Variants in KCNT2 observed in about 807,000 individuals in gnomAD.
KCNT2 encodes potassium sodium-activated channel subfamily T member 2.
Under a neutral mutation model 153.8 loss-of-function variants are expected in KCNT2, and 67 were observed. The observed-to-expected ratio is 0.44, with a 90% CI of 0.36 to 0.53. The LOEUF (loss-of-function observed/expected upper bound fraction) is 0.53, where lower values mean the gene tolerates loss of function less well. Ranked by LOEUF, KCNT2 falls within the 20% of genes least tolerant of loss-of-function variation. KCNT2 has a pLI of 0.00. For missense variants in KCNT2, 975 were observed against 1,354.8 expected (o/e 0.72, Z 4.40); for synonymous variants, 500 against 458.8 (o/e 1.09, Z -1.15).
At chr1:196,413,705 C>T (rs563582595) in intron 12 of KCNT2, among the ~76,000 whole-genome samples, 4 of 151,662 alleles carry the variant, frequency 2.6e-5, no homozygotes, top group Non-Finnish European at 5.9e-5. Context: ...TAATTTTGGC[C>T]ATTCACAGAA....
In KCNT2 at chr1:196,558,019, C is replaced by T. The variant is rs1397326159; in HGVS notation, c.95+50196G>A. On this transcript the variant is annotated intron_variant, in intron 1 of 27. Coordinates refer to ENST00000294725, the MANE Select transcript of KCNT2 (RefSeq NM_198503.5). ...CAGAGAATGTTCTGTAATATTTTAT[C>T]TCACTGTTGTCATCAAAATGTTACA... Among the ~76,000 whole-genome samples the T allele has an allele frequency of 2.6e-5, 4 of 151,350 alleles. No individual in the cohort carries two copies. The East Asian group carries it at 7.8e-4, about 29-fold the overall frequency.
At chr1:196,281,390 A>G (rs1659079744) in intron 24 of KCNT2, among the ~76,000 whole-genome samples, 1 of 152,194 alleles carries the variant, frequency 6.6e-6, no homozygotes, top group African/African-American at 2.4e-5. Flanking sequence ...ACTATTTTGC[A>G]TGCTGCAATA....
In KCNT2 at chr1:196,404,941, G is replaced by A. The variant is rs542873581; in HGVS notation, c.1186-6270C>T. Among the ~76,000 whole-genome samples, 28 of 151,664 alleles carry A rather than the reference G, an allele frequency of 1.8e-4. No individual in the cohort carries two copies. In the South Asian group the frequency reaches 5.6e-3, roughly 30 times the overall value. On this transcript the variant is annotated intron_variant, in intron 12 of 27. Transcript: ENST00000294725. Reference sequence around the variant, plus strand: ...ATTTAGCAAATATTTCAATTCAATGGATGAATACAGGAGATAAAGTACCTA... The same window carrying A: ...ATTTAGCAAATATTTCAATTCAATGAATGAATACAGGAGATAAAGTACCTA...
chr1:196,376,659 A>G (rs921182449), intron 13 of KCNT2, among the ~76,000 whole-genome samples: 4 of 151,934 alleles, frequency 2.6e-5, no homozygotes, highest in African/African-American at 9.7e-5. Context: ...AGACTTGATT[A>G]CATAATTTGG....
At chr1:196,334,386 T>G (rs547490240) in intron 16 of KCNT2, among the ~76,000 whole-genome samples, 8 of 151,666 alleles carry the variant, frequency 5.3e-5, no homozygotes, top group Non-Finnish European at 1.2e-4. Flanking sequence ...CAATTTATAT[T>G]TATTTAAAAT....
intron 1 of KCNT2, among the ~76,000 whole-genome samples, chr1:196,507,887 A>T (rs1454027305): frequency 1.3e-5 from 2 of 151,954 alleles, no homozygotes; most frequent in Non-Finnish European, 2.9e-5. Context: ...TATTTTGAGG[A>T]ATTTGATAAT....
intron 8 of KCNT2, among the ~76,000 whole-genome samples, chr1:196,434,192 CT>C (rs1674415226): frequency 6.6e-6 from 1 of 151,976 alleles, no homozygotes; most frequent in Non-Finnish European, 1.5e-5. Flanking sequence ...TATAACACTT[CT>C]GTGAAGTCAA....
At chr1:196,257,808 A>G (rs1327469269) in intron 26 of KCNT2, 11 of 984,952 alleles carry the variant, frequency 1.1e-5, no homozygotes, top group Non-Finnish European at 1.3e-5. Context: ...GGCCAATACA[A>G]TCAGTTACTT....
chr1:196,302,985 C>T lies in KCNT2; in HGVS notation c.2595+2249G>A, dbSNP rs569508028. Among the ~76,000 whole-genome samples, 116 of 150,418 alleles carry T rather than the reference C, an allele frequency of 7.7e-4. 1 individual carries two copies. Among genetic ancestry groups the T allele is most frequent in the African/African-American group, 2.6e-3 (108 of 40,888 alleles). ...TTTCTTTTTTCTTCATGGGAAAAAT[C>T]TAAAAGACATAAGGACAAATGCAAA... On this transcript the variant is annotated intron_variant, in intron 22 of 27. Coordinates refer to ENST00000294725, the MANE Select transcript of KCNT2 (RefSeq NM_198503.5).
chr1:196,480,957 T>A (rs1322509037), intron 4 of KCNT2, among the ~76,000 whole-genome samples: 1 of 149,608 alleles, frequency 6.7e-6, no homozygotes, highest in East Asian at 2.0e-4. Flanking sequence ...TATTTGAAGA[T>A]AATATATGGC....
At chr1:196,462,214 T>C (rs1392961005) in intron 8 of KCNT2, among the ~76,000 whole-genome samples, 1 of 151,724 alleles carries the variant, frequency 6.6e-6, no homozygotes, top group Non-Finnish European at 1.5e-5. Context: ...CTATTTACCA[T>C]GCCCCTGGTT....
chr1:196,302,285 A>G (rs905292790), intron 22 of KCNT2, among the ~76,000 whole-genome samples: 4 of 152,174 alleles, frequency 2.6e-5, no homozygotes, highest in Non-Finnish European at 5.9e-5. Flanking sequence ...AAGATAATTA[A>G]ATACTGTGTT....
At chr1:196,553,584 G>A (rs1304693184) in intron 1 of KCNT2, among the ~76,000 whole-genome samples, 1 of 151,042 alleles carries the variant, frequency 6.6e-6, no homozygotes, top group Non-Finnish European at 1.5e-5. Context: ...AGACCTCCCA[G>A]AAAGAAAATC....
chr1:196,388,102 G>A (rs1002970858), intron 13 of KCNT2, among the ~76,000 whole-genome samples: 2 of 151,586 alleles, frequency 1.3e-5, no homozygotes, highest in African/African-American at 4.8e-5. Flanking sequence ...TGTGTGGTGT[G>A]AGGTAAGGCT....
intron 1 of KCNT2, among the ~76,000 whole-genome samples, chr1:196,508,045 T>C (rs1050898658): frequency 1.3e-5 from 2 of 151,498 alleles, no homozygotes; most frequent in African/African-American, 4.8e-5. Context: ...AAGGATAAAT[T>C]GATTCGTGAA....
intron 18 of KCNT2, among the ~76,000 whole-genome samples, chr1:196,327,486 T>C (rs2148075601): frequency 6.6e-6 from 1 of 151,928 alleles, no homozygotes; most frequent in East Asian, 1.9e-4. Context: ...TTTCATGGAG[T>C]CTAGAATTTG....
chr1:196,383,119 G>A (rs1043290896), intron 13 of KCNT2, among the ~76,000 whole-genome samples: 15 of 152,158 alleles, frequency 9.9e-5, no homozygotes, highest in African/African-American at 2.7e-4. Context: ...ATGGAACTGA[G>A]GCACAGGAAG....
At chr1:196,434,647 T>C (rs779408836) in intron 8 of KCNT2, among the ~76,000 whole-genome samples, 2 of 151,960 alleles carry the variant, frequency 1.3e-5, no homozygotes, top group Non-Finnish European at 2.9e-5. Flanking sequence ...CAAACCCTTC[T>C]TTTGCAATAT....
intron 22 of KCNT2, among the ~76,000 whole-genome samples, chr1:196,289,191 C>G (rs1431607483): frequency 6.6e-6 from 1 of 151,966 alleles, no homozygotes; most frequent in Non-Finnish European, 1.5e-5. Flanking sequence ...CAGGCTTTTA[C>G]TGGACTAGGC....
Sources: allele counts gnomAD v4.1 joint callset (sites outside exome capture counted in the v4.1 genomes callset), GRCh38; gene constraint gnomAD v4.1.1; transcripts MANE v1.5; gene names NCBI Gene and HGNC (gene_info 2026-07-23, HGNC 2026-07-21).